HSPA12A: variants seen among roughly 807,000 people sequenced by gnomAD.
The protein encoded by HSPA12A is heat shock 70 kDa protein 12A.
Under a neutral mutation model 69.2 loss-of-function variants are expected in HSPA12A, and 28 were observed. That is an observed-to-expected ratio of 0.40 (90% CI 0.30 to 0.55). HSPA12A has a LOEUF of 0.55. HSPA12A is among the 20% of genes least tolerant of loss of function. The pLI is 0.38. For synonymous variants in HSPA12A, 345 were observed against 370.5 expected (o/e 0.93, Z 0.79); for missense variants, 686 against 900.7 (o/e 0.76, Z 3.05).
intron 1 of HSPA12A, among the ~76,000 whole-genome samples, chr10:116,722,816 C>T (rs1850820949): frequency 6.6e-6 from 1 of 152,100 alleles, no homozygotes; most frequent in South Asian, 2.1e-4. Flanking sequence ...ATCTATTTTG[C>T]ACATGGACTC....
intron 2 of HSPA12A, among the ~76,000 whole-genome samples, chr10:116,828,534 T>C (rs1187931792): frequency 2.0e-5 from 3 of 152,224 alleles, no homozygotes; most frequent in African/African-American, 4.8e-5. Context: ...GATTTAAAAC[T>C]GTAACTCGAT....
intron 2 of HSPA12A, among the ~76,000 whole-genome samples, chr10:116,828,255 T>C (rs1055315227): frequency 6.6e-6 from 1 of 152,180 alleles, no homozygotes; most frequent in Admixed American, 6.5e-5. Context: ...AAGCAGGAAA[T>C]CTTCACCAAA....
chr10:116,714,014 AGATG>A (rs1200858480), intron 1 of HSPA12A, among the ~76,000 whole-genome samples: 2 of 142,822 alleles, frequency 1.4e-5, no homozygotes, highest in African/African-American at 5.6e-5. Flanking sequence ...ATGGATGGAT[AGATG>A]GATGGATGGA....
intron 2 of HSPA12A, among the ~76,000 whole-genome samples, chr10:116,754,946 A>G (rs1340014786): frequency 2.6e-5 from 4 of 152,094 alleles, no homozygotes; most frequent in African/African-American, 7.2e-5. Context: ...GAAAACAACT[A>G]TATTTATCCA....
At chr10:116,725,516 G>A (rs1053626147) in intron 1 of HSPA12A, among the ~76,000 whole-genome samples, 1 of 152,198 alleles carries the variant, frequency 6.6e-6, no homozygotes, top group East Asian at 1.9e-4. Context: ...CAGGCGAGCA[G>A]GGGAGGGGCA....
At chr10:116,764,756 A>G (rs1167815276) in intron 2 of HSPA12A, among the ~76,000 whole-genome samples, 1 of 152,220 alleles carries the variant, frequency 6.6e-6, no homozygotes, top group Non-Finnish European at 1.5e-5. Flanking sequence ...CAAACCCTAT[A>G]TTTGACATAA....
At chr10:116,691,643 T>C (rs1849741595) in intron 6 of HSPA12A, among the ~76,000 whole-genome samples, 1 of 152,198 alleles carries the variant, frequency 6.6e-6, no homozygotes. Flanking sequence ...CCTGGGACCA[T>C]AACAACAGGT....
chr10:116,719,002 G>A (rs1850693298), intron 1 of HSPA12A, among the ~76,000 whole-genome samples: 2 of 152,088 alleles, frequency 1.3e-5, no homozygotes, highest in South Asian at 4.1e-4. Context: ...CTGTGCCGAA[G>A]TGCAGTGGCC....
intron 2 of HSPA12A, among the ~76,000 whole-genome samples, chr10:116,779,411 C>T (rs371423794): frequency 6.6e-6 from 1 of 152,272 alleles, no homozygotes; most frequent in East Asian, 1.9e-4. Flanking sequence ...GGGTGGGGCA[C>T]CTCAGGGCTG....
chr10:116,758,807 C>A (rs1337314181), intron 2 of HSPA12A, among the ~76,000 whole-genome samples: 2 of 152,008 alleles, frequency 1.3e-5, no homozygotes, highest in Non-Finnish European at 2.9e-5. Context: ...AATTTAAAAC[C>A]AAGGAAATAA....
At chr10:116,769,908 G>A (rs1255249883) in intron 2 of HSPA12A, among the ~76,000 whole-genome samples, 1 of 152,182 alleles carries the variant, frequency 6.6e-6, no homozygotes, top group Non-Finnish European at 1.5e-5. Context: ...GGCTCCTTGT[G>A]CTTAAAATTC....
chr10:116,711,658 TTTTTTTTTC>T (rs1489799333), intron 1 of HSPA12A, among the ~76,000 whole-genome samples: 3 of 21,380 alleles, frequency 1.4e-4, no homozygotes, highest in Non-Finnish European at 7.9e-5. Context: ...TGACTCTTTC[TTTTTTTTTC>T]TTTTTTTTTT....
chr10:116,707,068 G>A (rs992117384), intron 2 of HSPA12A, 132 bp downstream of exon 2: 1 of 710,946 alleles, frequency 1.4e-6, no homozygotes, highest in Non-Finnish European at 2.2e-6. Flanking sequence ...GAATGTGAGG[G>A]GCTGTCCAGC....
chr10:116,701,076 A>T lies in HSPA12A; in HGVS notation c.308T>A (p.Ile103Asn). Reference sequence around the variant, plus strand: ...GAACTTCCTCTCGGGAGTCAGCAAGATGGTGGTTGGAGTCTTCTGATTGGA... The same window carrying T: ...GAACTTCCTCTCGGGAGTCAGCAAGTTGGTGGTTGGAGTCTTCTGATTGGA... ...GVSNQKTPTT[I>N]LLTPERKFHS... The change falls in exon 4 of 12, where the codon ATC becomes AAC. Residue 103 changes from isoleucine (I) to asparagine (N), a missense_variant. Transcript: ENST00000369209. 6.2e-7 allele frequency: 1 copy of T among 1,614,136 alleles called. No individual in the cohort carries two copies. The highest frequency in any genetic ancestry group is 8.5e-7 in the Non-Finnish European group (1 of 1,180,028).
chr10:116,779,262 G>A (rs543468161), intron 2 of HSPA12A, among the ~76,000 whole-genome samples: 2 of 152,316 alleles, frequency 1.3e-5, no homozygotes, highest in South Asian at 2.1e-4. Flanking sequence ...AAGCTAGATC[G>A]AAGCTGATCC....
In HSPA12A at chr10:116,705,270, A is replaced by G. The variant is rs200836095; in HGVS notation, c.135T>C (p.Thr45=). ...PLSPSHIVND[T]DSNVSEQQSF... ...ACTGCTGTTCTGAGACGTTGGAGTC[A>G]GTGTCGTTCTGCAGATATACAGTGA... is the stretch of plus-strand genomic sequence containing the variant. Residue 45 remains threonine (T), a synonymous_variant, in exon 3 of 12, where the codon ACT becomes ACC. Coordinates refer to ENST00000369209, the MANE Select transcript of HSPA12A (RefSeq NM_025015.3). The G allele has an allele frequency of 4.0e-5, 65 of 1,614,146 alleles. No homozygotes were observed. The Admixed American group carries it at 7.8e-4, about 19-fold the overall frequency.
chr10:116,734,662 T>TTC (rs1261963888), intron 1 of HSPA12A, among the ~76,000 whole-genome samples: 1 of 151,318 alleles, frequency 6.6e-6, no homozygotes, highest in African/African-American at 2.4e-5. Flanking sequence ...TTTTTTTTTT[T>TTC]TTTGCTTTTT....
intron 1 of HSPA12A, among the ~76,000 whole-genome samples, chr10:116,722,058 G>A (rs782439727): frequency 3.9e-5 from 6 of 152,206 alleles, no homozygotes; most frequent in Admixed American, 2.0e-4. Flanking sequence ...GTCTGTCTCC[G>A]GCTTTTCATT....
intron 7 of HSPA12A, among the ~76,000 whole-genome samples, chr10:116,682,707 T>G (rs576086792): frequency 6.6e-6 from 1 of 151,982 alleles, no homozygotes; most frequent in South Asian, 2.1e-4. Context: ...TTCCCACAAT[T>G]TTTTTTTCTT....
Sources: gnomAD v4.1 joint callset for allele counts (sites outside exome capture counted in the v4.1 genomes callset) on GRCh38, gnomAD v4.1.1 for gene constraint, MANE v1.5 for transcripts, NCBI Gene and HGNC (gene_info 2026-07-23, HGNC 2026-07-21) for gene names.